Variants in PCDHA7 observed in about 807,000 individuals in gnomAD.
PCDHA7 encodes protocadherin alpha-7.
In PCDHA7, 37 loss-of-function variants were observed where a neutral mutation model predicts 57.2. The ratio of observed to expected loss-of-function variants is 0.65; its 90% confidence interval spans 0.50 to 0.85. The LOEUF is 0.85. PCDHA7 is among the 40% of genes least tolerant of loss of function. The pLI is 0.00. For synonymous variants in PCDHA7, 553 were observed against 558.8 expected (o/e 0.99, Z 0.15); for missense variants, 1,188 against 1,241.8 (o/e 0.96, Z 0.65).
At chr5:140,913,797 A>T (rs546197577) in intron 1 of PCDHA7, among the ~76,000 whole-genome samples, 1 of 152,210 alleles carries the variant, frequency 6.6e-6, no homozygotes, top group Admixed American at 6.5e-5. Context: ...ATTTGTTTGA[A>T]TCAAATTTTC....
intron 1 of PCDHA7, among the ~76,000 whole-genome samples, chr5:140,923,613 G>GT (rs2081443569): frequency 6.6e-6 from 1 of 152,146 alleles, no homozygotes; most frequent in South Asian, 2.1e-4. Context: ...TGTTTATCTG[G>GT]TCATCTTATC....
At chr5:140,869,723 A>C (rs782155135) in intron 1 of PCDHA7, 8 of 1,613,430 alleles carry the variant, frequency 5.0e-6, no homozygotes, top group Non-Finnish European at 6.8e-6. Context: ...AAAACTCCGG[A>C]ACTTAATTTG....
At chr5:140,956,701 G>A (rs549659732) in intron 1 of PCDHA7, among the ~76,000 whole-genome samples, 30 of 152,256 alleles carry the variant, frequency 2.0e-4, no homozygotes, top group Admixed American at 1.4e-3. Context: ...CCATTGTTTG[G>A]AATAGCTTCA....
At position 140,884,782 on chromosome 5, in the gene PCDHA7, A is replaced by T. The variant is rs2060354278; in HGVS notation, c.2355+48044A>T. ...TCTTTACTTTAATTTTAATTTTGCTAGTTGTTATCGAATTTAACAACTCTG... is the reference window on the plus strand; with the variant it reads ...TCTTTACTTTAATTTTAATTTTGCTTGTTGTTATCGAATTTAACAACTCTG... On this transcript the variant is annotated intron_variant, in intron 1 of 3. Coordinates refer to ENST00000525929, the MANE Select transcript of PCDHA7 (RefSeq NM_018910.3). 8 of 1,395,472 alleles carry T rather than the reference A, an allele frequency of 5.7e-6. 1 individual carries two copies. The highest frequency in any genetic ancestry group is 3.3e-5 in the South Asian group (2 of 60,762). 86.4% of individuals were successfully genotyped at this position (1,395,472 alleles called of 1,614,324 possible). A position where few individuals can be genotyped will look rare whatever the true frequency, so the allele number is the denominator to read the frequency against.
intron 1 of PCDHA7, chr5:140,856,391 G>A (rs1554148627): frequency 6.3e-7 from 1 of 1,598,560 alleles, no homozygotes; most frequent in Non-Finnish European, 8.6e-7. Context: ...GCCGCTGCAG[G>A]TTTTCCATGT....
intron 3 of PCDHA7, among the ~76,000 whole-genome samples, chr5:141,003,811 C>G (rs1490096042): frequency 1.3e-5 from 2 of 152,114 alleles, no homozygotes; most frequent in African/African-American, 4.8e-5. Context: ...AATCTGTAGT[C>G]TGGGAAGGGC....
At chr5:140,858,130 C>T in intron 1 of PCDHA7, 1 of 1,597,774 alleles carries the variant, frequency 6.3e-7, no homozygotes, top group Non-Finnish European at 8.6e-7. Flanking sequence ...TGGTGGATGT[C>T]AACGTGTACC....
chr5:140,920,847 A>G (rs1410435400), intron 1 of PCDHA7, among the ~76,000 whole-genome samples: 1 of 152,028 alleles, frequency 6.6e-6, no homozygotes, highest in Non-Finnish European at 1.5e-5. Flanking sequence ...AATCTAAAAA[A>G]AAAAAAAAAA....
rs2150396566 is a variant in PCDHA7, at chr5:140,846,990, G to A, written c.2355+10252G>A. 7.1e-4 allele frequency among the ~76,000 whole-genome samples: 106 copies of A among 149,506 alleles called. 4 individuals are homozygous for A. In the South Asian group the frequency reaches 0.022, roughly 31 times the overall value. On this transcript the variant is annotated intron_variant, in intron 1 of 3. Coordinates refer to ENST00000525929, the MANE Select transcript of PCDHA7 (RefSeq NM_018910.3). The stretch of plus-strand genomic sequence containing the variant: ...GTTTTAAAATAAGTAAGTTCCCCCC[G>A]GGAGAATATTGAGAATGATAGACAT...
intron 1 of PCDHA7, among the ~76,000 whole-genome samples, chr5:140,908,387 T>A (rs536105622): frequency 1.3e-5 from 2 of 152,230 alleles, no homozygotes; most frequent in Admixed American, 1.3e-4. Flanking sequence ...TCGAGCCCGA[T>A]CACATATATA....
intron 1 of PCDHA7, chr5:140,865,754 C>T (rs1554159601): frequency 6.6e-6 from 1 of 152,144 alleles, no homozygotes; most frequent in East Asian, 1.9e-4. Context: ...AGTGCCAGTA[C>T]ATGGTGGAGA....
At chr5:140,921,131 C>T (rs532456439) in intron 1 of PCDHA7, among the ~76,000 whole-genome samples, 9 of 132,934 alleles carry the variant, frequency 6.8e-5, no homozygotes, top group Non-Finnish European at 1.1e-4. Context: ...CAGGTGCACA[C>T]CACTACACCC....
chr5:140,850,772 C>A lies in PCDHA7; in HGVS notation c.2355+14034C>A, dbSNP rs2041813098. 4.4e-6 allele frequency: 7 copies of A among 1,598,004 alleles called. 1 individual carries two copies. Among genetic ancestry groups the A allele is most frequent in the Non-Finnish European group, 6.0e-6 (7 of 1,167,724 alleles). Reference sequence around the variant, plus strand: ...CGCAGCAGAGGAGGCAGAGGGTGTGCTCTGGCGAGGGTAAGCAGAAGACCG... The same window carrying A: ...CGCAGCAGAGGAGGCAGAGGGTGTGATCTGGCGAGGGTAAGCAGAAGACCG... On this transcript the variant is annotated intron_variant, in intron 1 of 3. Transcript: ENST00000525929.
chr5:140,926,857 T>C (rs782114974), intron 1 of PCDHA7: 12 of 1,520,736 alleles, frequency 7.9e-6, no homozygotes, highest in Admixed American at 2.2e-5. Context: ...ACCGTTGGTG[T>C]AGCGTGTTGG....
intron 1 of PCDHA7, chr5:140,967,662 A>G: frequency 6.2e-7 from 1 of 1,614,192 alleles, no homozygotes; most frequent in Non-Finnish European, 8.5e-7. Context: ...TTGAGCAGCT[A>G]CACGTCGGAC....
chr5:140,969,019 G>A (rs782394566), intron 1 of PCDHA7: 61 of 1,614,046 alleles, frequency 3.8e-5, no homozygotes, highest in Non-Finnish European at 4.7e-5. Flanking sequence ...TAAGGGAAAG[G>A]TCCCCTGCAG....
At chr5:140,866,149 T>A (rs1554160036) in intron 1 of PCDHA7, 2 of 152,248 alleles carry the variant, frequency 1.3e-5, no homozygotes, top group Non-Finnish European at 2.9e-5. Context: ...GGAAGTGATA[T>A]AAGTAAGAAT....
Position 140,858,208 on chromosome 5 carries a change from G to A in PCDHA7, c.2355+21470G>A. 3 of 1,595,856 alleles carry A rather than the reference G, an allele frequency of 1.9e-6. 1 individual carries two copies. The highest frequency in any genetic ancestry group is 2.6e-6 in the Non-Finnish European group (3 of 1,166,438). ...CGCTGCTGCTGTACACTGCACTGAG[G>A]TGCTCGGCGGCGCCCACCGAGGGCG... On this transcript the variant is annotated intron_variant, in intron 1 of 3. Coordinates refer to ENST00000525929, the MANE Select transcript of PCDHA7 (RefSeq NM_018910.3).
At chr5:140,858,363 C>G in intron 1 of PCDHA7, 1 of 1,591,358 alleles carries the variant, frequency 6.3e-7, no homozygotes, top group Non-Finnish European at 8.6e-7. Flanking sequence ...GCCTTCAGCC[C>G]CAGCCTTCCA....
Sources: allele counts gnomAD v4.1 joint callset (sites outside exome capture counted in the v4.1 genomes callset), GRCh38; gene constraint gnomAD v4.1.1; transcripts MANE v1.5; gene names NCBI Gene and HGNC (gene_info 2026-07-23, HGNC 2026-07-21).